The following SUGCT variants were observed in gnomAD, a reference collection of about 807,000 sequenced individuals.
SUGCT encodes the protein succinyl-CoA:glutarate CoA-transferase.
A neutral mutation model predicts 55.0 loss-of-function variants in SUGCT; 41 were observed. The ratio of observed to expected loss-of-function variants is 0.74; its 90% CI spans 0.58 to 0.97. The LOEUF (loss-of-function observed/expected upper bound fraction) is 0.97. SUGCT is among the 50% of genes least tolerant of loss of function. The pLI is 0.00. For synonymous variants in SUGCT, 187 were observed against 200.4 expected (o/e 0.93, Z 0.56); for missense variants, 568 against 547.8 (o/e 1.04, Z -0.37).
At chr7:40,150,487 A>T (rs1028849605) in intron 1 of SUGCT, among the ~76,000 whole-genome samples, 1 of 152,204 alleles carries the variant, frequency 6.6e-6, no homozygotes, top group Admixed American at 6.5e-5. Flanking sequence ...TGGCCAACAT[A>T]GTGAAACCAC....
chr7:40,423,321 A>G (rs116683550), intron 9 of SUGCT, among the ~76,000 whole-genome samples: 392 of 152,304 alleles, frequency 2.6e-3, no homozygotes, highest in Middle Eastern at 0.017. Context: ...CTGCTGATGC[A>G]TGTCATATTC....
At chr7:40,748,593 G>T (rs1787856204) in intron 12 of SUGCT, among the ~76,000 whole-genome samples, 1 of 151,386 alleles carries the variant, frequency 6.6e-6, no homozygotes, top group African/African-American at 2.4e-5. Context: ...TAGTTATAGA[G>T]AATAAGAATT....
the SUGCT span, among the ~76,000 whole-genome samples, chr7:40,958,863 T>G: frequency 6.6e-6 from 1 of 152,170 alleles, no homozygotes; most frequent in Non-Finnish European, 1.5e-5. Context: ...GTCATCCTTT[T>G]TGTTGATGTT....
the SUGCT span, among the ~76,000 whole-genome samples, chr7:40,983,809 A>G: frequency 3.3e-5 from 5 of 152,240 alleles, no homozygotes; most frequent in Admixed American, 6.5e-5. Context: ...AACAAGGATT[A>G]GATTGGAAAT....
intron 9 of SUGCT, among the ~76,000 whole-genome samples, chr7:40,351,303 A>G (rs1231349304): frequency 3.3e-5 from 5 of 151,902 alleles, no homozygotes; most frequent in Admixed American, 3.3e-4. Flanking sequence ...GACCTCTTTT[A>G]TTGTGTTTCT....
At chr7:41,001,398 T>C in the SUGCT span, among the ~76,000 whole-genome samples, 1 of 152,116 alleles carries the variant, frequency 6.6e-6, no homozygotes, top group East Asian at 1.9e-4. Context: ...ATAGGGGGAA[T>C]AGAAGTCTTG....
At chr7:41,005,362 C>T in the SUGCT span, among the ~76,000 whole-genome samples, 4 of 151,994 alleles carry the variant, frequency 2.6e-5, no homozygotes, top group African/African-American at 9.7e-5. Flanking sequence ...TTTCTTCCTG[C>T]CCCATCCCCC....
At chr7:40,863,199 A>G (rs970683723), downstream of SUGCT, among the ~76,000 whole-genome samples, 1 of 152,136 alleles carries the variant, frequency 6.6e-6, no homozygotes, top group East Asian at 1.9e-4. Flanking sequence ...GCACCACTGC[A>G]CTCTAGCCTG....
chr7:40,603,427 G>T (rs1021903129), intron 12 of SUGCT, among the ~76,000 whole-genome samples: 16 of 152,142 alleles, frequency 1.1e-4, no homozygotes, highest in Non-Finnish European at 2.1e-4. Context: ...ACATTTTATT[G>T]ATCTCAGAGT....
At chr7:40,563,273 C>T (rs1242358542) in intron 12 of SUGCT, among the ~76,000 whole-genome samples, 2 of 152,154 alleles carry the variant, frequency 1.3e-5, no homozygotes, top group African/African-American at 2.4e-5. Flanking sequence ...TTTCATCTTG[C>T]CTGCTTTTAT....
chr7:40,769,072 G>C lies in SUGCT; in HGVS notation c.1153+19575G>C, dbSNP rs1393881637. On this transcript the variant is annotated intron_variant, in intron 13 of 13. Coordinates refer to ENST00000335693, the MANE Select transcript of SUGCT (RefSeq NM_001193313.2). ...GGAAAGGATTCAAGCTCAAGGCATA[G>C]ACAAGCTTTCTTACATGGGGAGCAG... Among the ~76,000 whole-genome samples the C allele has an allele frequency of 1.8e-4, 28 of 151,718 alleles. 1 individual carries two copies. The highest frequency in any genetic ancestry group is 1.8e-3 in the Admixed American group (28 of 15,220).
intron 12 of SUGCT, among the ~76,000 whole-genome samples, chr7:40,520,870 T>A (rs898285208): frequency 1.1e-4 from 16 of 152,150 alleles, no homozygotes; most frequent in South Asian, 6.2e-4. Flanking sequence ...ATGGAGATAT[T>A]TAAAGGGGAC....
At chr7:40,737,995 A>C (rs1169202716) in intron 12 of SUGCT, among the ~76,000 whole-genome samples, 2 of 151,770 alleles carry the variant, frequency 1.3e-5, no homozygotes, top group African/African-American at 4.8e-5. Flanking sequence ...AGGTCAGGAG[A>C]TCAAGACCAT....
At chr7:40,869,861 G>C in the SUGCT span, among the ~76,000 whole-genome samples, 3 of 152,108 alleles carry the variant, frequency 2.0e-5, no homozygotes, top group African/African-American at 7.2e-5. Context: ...TATTAGATCA[G>C]GATTATGCAT....
At chr7:40,986,242 C>T in the SUGCT span, among the ~76,000 whole-genome samples, 1 of 152,030 alleles carries the variant, frequency 6.6e-6, no homozygotes, top group Non-Finnish European at 1.5e-5. Flanking sequence ...TTTAAGAACC[C>T]CTTTCAAACA....
rs1329868354 is a variant in SUGCT at position 40,628,232 on chromosome 7, A to G, written c.1090-121202A>G. 2.0e-5 allele frequency among the ~76,000 whole-genome samples: 3 copies of G among 152,228 alleles called. No individual in the cohort carries two copies. The East Asian group carries it at 5.8e-4, about 29-fold the overall frequency. On this transcript the variant is annotated intron_variant, in intron 12 of 13. Coordinates refer to ENST00000335693, the MANE Select transcript of SUGCT (RefSeq NM_001193313.2). ...ACTTTCCACTGGGGTTTTGGGACAT[A>G]TCCCCCTTGGATAAAGGGGACTACT...
chr7:40,866,937 G>A, the SUGCT span, among the ~76,000 whole-genome samples: 3 of 151,748 alleles, frequency 2.0e-5, no homozygotes, highest in Non-Finnish European at 4.4e-5. Flanking sequence ...TAGCTTGGTG[G>A]GTCTCTGTGT....
intron 9 of SUGCT, among the ~76,000 whole-genome samples, chr7:40,418,678 G>T (rs1199163143): frequency 1.3e-5 from 2 of 152,112 alleles, no homozygotes; most frequent in Admixed American, 6.6e-5. Context: ...GGCTGCAGGG[G>T]TTCTCAGCAG....
At chr7:40,899,079 G>C in the SUGCT span, among the ~76,000 whole-genome samples, 2 of 152,146 alleles carry the variant, frequency 1.3e-5, no homozygotes. Flanking sequence ...ACCCCCCAGA[G>C]CTCTGAGGGT....
Sources: gnomAD v4.1 joint callset for allele counts (sites outside exome capture counted in the v4.1 genomes callset) on GRCh38, gnomAD v4.1.1 for gene constraint, MANE v1.5 for transcripts, NCBI Gene and HGNC (gene_info 2026-07-23, HGNC 2026-07-21) for gene names.